The following AP4E1 variants were observed in gnomAD, a reference collection of about 807,000 sequenced individuals.
AP4E1 encodes the protein adaptor related protein complex 4 subunit epsilon 1, also known as AP-4 complex subunit epsilon-1.
Under a neutral mutation model 128.2 loss-of-function variants are expected in AP4E1, and 56 were observed. The ratio of observed to expected loss-of-function variants is 0.44; its 90% confidence interval spans 0.35 to 0.55. AP4E1 has a LOEUF of 0.55. AP4E1 is among the 20% of genes least tolerant of loss of function. The pLI is 0.00. For missense variants in AP4E1, 1,324 were observed against 1,307.7 expected (o/e 1.01, Z -0.19); for synonymous variants, 484 against 473.1 (o/e 1.02, Z -0.30).
intron 17 of AP4E1, among the ~76,000 whole-genome samples, chr15:50,996,055 C>A (rs2064867413): frequency 7.6e-6 from 1 of 132,152 alleles, no homozygotes; most frequent in Admixed American, 8.6e-5. Context: ...GTGTCACGAT[C>A]TCAGCTTACT....
chr15:50,913,227 T>A (rs1343815706), intron 2 of AP4E1, among the ~76,000 whole-genome samples: 1 of 152,224 alleles, frequency 6.6e-6, no homozygotes, highest in Admixed American at 6.5e-5. Context: ...GATATATCCA[T>A]GTGTATATAT....
chr15:50,984,712 G>C (rs959899041), intron 16 of AP4E1, among the ~76,000 whole-genome samples: 155 of 152,172 alleles, frequency 1.0e-3, no homozygotes, highest in African/African-American at 3.6e-3. Context: ...TATCATTGAT[G>C]GACATTTGGG....
chr15:50,938,059 C>A (rs1248918806), intron 8 of AP4E1, among the ~76,000 whole-genome samples: 1 of 152,002 alleles, frequency 6.6e-6, no homozygotes, highest in African/African-American at 2.4e-5. Flanking sequence ...TCACTAATTT[C>A]ACCTAAAACC....
intron 8 of AP4E1, among the ~76,000 whole-genome samples, chr15:50,938,885 G>A (rs2063945943): frequency 6.6e-6 from 1 of 152,136 alleles, no homozygotes; most frequent in African/African-American, 2.4e-5. Flanking sequence ...TTCCCATTGG[G>A]TGATACCTCC....
intron 10 of AP4E1, among the ~76,000 whole-genome samples, chr15:50,942,641 A>G (rs2064003522): frequency 1.3e-5 from 2 of 148,396 alleles, no homozygotes; most frequent in African/African-American, 4.9e-5. Flanking sequence ...TATGTTACTT[A>G]TATATAATAT....
chr15:50,910,715 G>T (rs1415026597), intron 1 of AP4E1, among the ~76,000 whole-genome samples: 1 of 152,228 alleles, frequency 6.6e-6, no homozygotes, highest in Non-Finnish European at 1.5e-5. Context: ...GAATGCAGTG[G>T]TGCAATCTTG....
chr15:50,987,901 A>G (rs2064750560), intron 16 of AP4E1, among the ~76,000 whole-genome samples: 1 of 152,146 alleles, frequency 6.6e-6, no homozygotes. Context: ...TCTACCTTCC[A>G]AGACAGCATA....
intron 2 of AP4E1, among the ~76,000 whole-genome samples, chr15:50,913,148 G>C (rs1469436056): frequency 6.6e-6 from 1 of 152,178 alleles, no homozygotes; most frequent in Non-Finnish European, 1.5e-5. Flanking sequence ...TAAAGTCTGA[G>C]AGAATGAATA....
At chr15:50,968,977 T>A (rs1303882607) in intron 15 of AP4E1, among the ~76,000 whole-genome samples, 1 of 152,010 alleles carries the variant, frequency 6.6e-6, no homozygotes, top group African/African-American at 2.4e-5. Flanking sequence ...AACATAATGA[T>A]CTTTATGGGA....
intron 8 of AP4E1, among the ~76,000 whole-genome samples, chr15:50,937,781 C>T (rs1039678623): frequency 2.6e-5 from 4 of 152,062 alleles, no homozygotes; most frequent in African/African-American, 4.8e-5. Flanking sequence ...TATTTAAAAA[C>T]AGTTTCAGAG....
Position 50,998,503 on chromosome 15 carries a change from A to G in AP4E1, c.2905-569A>G, listed in dbSNP as rs368570257. 1.2e-3 allele frequency among the ~76,000 whole-genome samples: 187 copies of G among 152,104 alleles called. 1 individual carries two copies. Among genetic ancestry groups the G allele is most frequent in the African/African-American group, 4.3e-3 (179 of 41,506 alleles). ...AAATTAGCTGGGCATGGTGGTACGC[A>G]CCTGTAATCCCAGCTACTCAGGAGG... On this transcript the variant is annotated intron_variant, in intron 18 of 20. Transcript: ENST00000261842.
chr15:50,912,540 G>A (rs2063577851), intron 2 of AP4E1, among the ~76,000 whole-genome samples: 1 of 151,948 alleles, frequency 6.6e-6, no homozygotes, highest in Admixed American at 6.6e-5. Flanking sequence ...TTTAAAGTTT[G>A]TTCTACATAA....
rs71127168 is a variant in AP4E1, at chr15:50,962,889, C to CAAAAAAAAAAA, written c.1851+4112_1851+4122dup. Among the ~76,000 whole-genome samples the CAAAAAAAAAAA allele has an allele frequency of 4.1e-4, 16 of 38,716 alleles. 1 individual carries two copies. Among genetic ancestry groups the CAAAAAAAAAAA allele is most frequent in the African/African-American group, 1.4e-3 (12 of 8,726 alleles). The allele number at this position is 38,716 out of a possible 152,430, so 25.4% of individuals were successfully genotyped here. A position where few individuals can be genotyped will look rare whatever the true frequency, so the allele number is the denominator to read the frequency against. ...ATATATAAGGAACTCAATTCAACAGCAAAAAAAAAAAAAAAAAAAAAAAAA... is the reference window on the plus strand; with the variant it reads ...ATATATAAGGAACTCAATTCAACAGCAAAAAAAAAAAAAAAAAAAAAAAAAAAAAAAAAAAA... On this transcript the variant is annotated intron_variant, in intron 14 of 20. Transcript: ENST00000261842.
At chr15:50,931,183 A>G (rs2063831340) in intron 7 of AP4E1, among the ~76,000 whole-genome samples, 2 of 152,136 alleles carry the variant, frequency 1.3e-5, no homozygotes, top group South Asian at 4.1e-4. Context: ...ACCCATCATG[A>G]AAGGTACCCA....
intron 1 of AP4E1, 29 bp downstream of exon 1, chr15:50,908,957 G>A: frequency 6.2e-7 from 1 of 1,609,120 alleles, no homozygotes; most frequent in African/African-American, 1.3e-5. Flanking sequence ...GGGAGCTCAG[G>A]GACATCGGAG....
chr15:50,977,710 T>TTTTTTTTG lies in AP4E1; in HGVS notation c.1967-6305_1967-6304insGTTTTTTT, dbSNP rs1555460352. On this transcript the variant is annotated intron_variant, in intron 15 of 20. Coordinates refer to ENST00000261842, the MANE Select transcript of AP4E1 (RefSeq NM_007347.5). ...TTTAATTATCAATCTGTTATGGTTT[T>TTTTTTTTG]TTTTTTTTTTTTTTTTAGACAGAGT... 2.5e-4 allele frequency among the ~76,000 whole-genome samples: 33 copies of TTTTTTTTG among 130,366 alleles called. 1 individual carries two copies. In the East Asian group the frequency reaches 6.4e-3, roughly 25 times the overall value. 85.5% of individuals were successfully genotyped at this position (130,366 alleles called of 152,430 possible). A position where few individuals can be genotyped will look rare whatever the true frequency, so the allele number is the denominator to read the frequency against.
chr15:50,932,694 C>T (rs2141161154), intron 7 of AP4E1, among the ~76,000 whole-genome samples: 1 of 152,310 alleles, frequency 6.6e-6, no homozygotes, highest in South Asian at 2.1e-4. Context: ...TAGAAATCAA[C>T]TTAAGGTCAG....
At chr15:50,945,439 G>T in intron 10 of AP4E1, 1 of 776,754 alleles carries the variant, frequency 1.3e-6, no homozygotes, top group Admixed American at 1.7e-5. Context: ...AGCAAATGAA[G>T]ACTATAACTT....
intron 3 of AP4E1, among the ~76,000 whole-genome samples, chr15:50,922,573 C>T (rs1268085599): frequency 6.6e-6 from 1 of 152,064 alleles, no homozygotes; most frequent in Non-Finnish European, 1.5e-5. Flanking sequence ...TTATAGTTAA[C>T]ATTAGAATCC....
Sources: gnomAD v4.1 joint callset for allele counts (sites outside exome capture counted in the v4.1 genomes callset) on GRCh38, gnomAD v4.1.1 for gene constraint, MANE v1.5 for transcripts, NCBI Gene and HGNC (gene_info 2026-07-23, HGNC 2026-07-21) for gene names.